RIPK1: variants seen among roughly 807,000 people sequenced by gnomAD.
RIPK1 encodes receptor-interacting serine/threonine-protein kinase 1.
RIPK1 carries 27 observed loss-of-function variants against 62.4 expected under a neutral mutation model. That is an observed-to-expected ratio of 0.43 (90% confidence interval 0.32 to 0.60). The LOEUF (loss-of-function observed/expected upper bound fraction) is 0.60, where lower values mean the gene tolerates loss of function less well. Among genes scored for constraint, RIPK1 ranks in the 20% least tolerant of loss-of-function variants. The pLI, the probability that RIPK1 is intolerant of heterozygous loss-of-function variation, is 0.07. For missense variants in RIPK1, 735 were observed against 831.0 expected, an observed-to-expected ratio of 0.88 and a Z score of 1.42; for synonymous variants, 287 against 303.2, an observed-to-expected ratio of 0.95 and a Z score of 0.55.
intron 1 of RIPK1, among the ~76,000 whole-genome samples, chr6:3,074,058 T>G (rs918202345): frequency 6.6e-6 from 1 of 152,244 alleles, no homozygotes; most frequent in African/African-American, 2.4e-5. Context: ...CAGGTTTGTC[T>G]TTTGATGTAA....
upstream of RIPK1, chr6:3,068,138 G>A (rs1758466838): frequency 1.1e-6 from 1 of 878,630 alleles, no homozygotes; most frequent in Non-Finnish European, 1.4e-6. Flanking sequence ...CATTTTAAAG[G>A]GCTGCAAAAT....
chr6:3,074,707 A>G (rs1581381924), intron 1 of RIPK1, among the ~76,000 whole-genome samples: 1 of 119,040 alleles, frequency 8.4e-6, no homozygotes. Context: ...ACAGAGTCTC[A>G]CTTTGTTGCC....
At chr6:3,067,162 C>A (rs1425162748), upstream of RIPK1, among the ~76,000 whole-genome samples, 2 of 139,616 alleles carry the variant, frequency 1.4e-5, no homozygotes, top group Non-Finnish European at 3.0e-5. Context: ...TAAGTGATAT[C>A]TTGGATGCCC....
chr6:3,075,314 G>A (rs532081431), intron 1 of RIPK1, among the ~76,000 whole-genome samples: 3 of 152,198 alleles, frequency 2.0e-5, no homozygotes, highest in African/African-American at 7.2e-5. Flanking sequence ...ATTTCAGTTT[G>A]GGGAAAATGA....
chr6:3,069,331 G>A (rs151119089), intron 1 of RIPK1, among the ~76,000 whole-genome samples: 3,446 of 152,276 alleles, frequency 0.023, 48 homozygotes, highest in South Asian at 0.063. Context: ...GACGAATGTG[G>A]TAACCCTAGC....
chr6:3,068,338 C>T (rs952073426), upstream of RIPK1: 371 of 985,454 alleles, frequency 3.8e-4, no homozygotes, highest in Middle Eastern at 5.2e-4. Context: ...ACGTAGGCCG[C>T]CCCACTCGCT....
At chr6:3,073,699 C>T (rs1045087000) in intron 1 of RIPK1, among the ~76,000 whole-genome samples, 5 of 152,160 alleles carry the variant, frequency 3.3e-5, no homozygotes, top group Admixed American at 6.5e-5. Context: ...CTGGCCCCAG[C>T]CTTTAGATGA....
rs767354945 is a variant in RIPK1, at chr6:3,110,758, G to T, written c.1577-45G>T. The T allele has an allele frequency of 1.3e-5, 17 of 1,324,556 alleles. No individual in the cohort carries two copies. The South Asian group carries it at 1.7e-4, about 14-fold the overall frequency. The allele number at this position is 1,324,556 out of a possible 1,614,324, so 82.1% of individuals were successfully genotyped here. ...TTGCCATGCTGTATTTTTTTCTCTTGCTTTTGATCTAGAATTACTTACCTG... is the reference window on the plus strand; with the variant it reads ...TTGCCATGCTGTATTTTTTTCTCTTTCTTTTGATCTAGAATTACTTACCTG... On this transcript the variant is annotated intron_variant, in intron 9 of 10. Transcript: ENST00000259808.
At position 3,105,968 on chromosome 6, in the gene RIPK1, C is replaced by T; in HGVS notation, c.1493C>T (p.Pro498Leu). 6.2e-7 allele frequency: 1 copy of T among 1,614,048 alleles called. No homozygotes were observed. The highest frequency in any genetic ancestry group is 8.5e-7 in the Non-Finnish European group (1 of 1,179,904). ...TACAGGCCAATTCCAAGTCATATGCCTAGTCTGCATAATATCCCAGTGCCT... is the reference window on the plus strand; with the variant it reads ...TACAGGCCAATTCCAAGTCATATGCTTAGTCTGCATAATATCCCAGTGCCT... Reference protein sequence around the residue: ...VWYRPIPSHMPSLHNIPVPET... With the variant: ...VWYRPIPSHMLSLHNIPVPET... The change falls in exon 9 of 11, where the codon CCT becomes CTT. Residue 498 changes from proline to leucine, a missense_variant. By Grantham distance (98) the Pro-to-Leu change is moderately conservative. This residue lies in a region of RIPK1 where 671 missense variants were observed against 726.2 expected (regional missense o/e 0.92). Transcript: ENST00000259808. This position sits in a 1 kb window ranked among gnomAD's most constrained non-coding sequence, Gnocchi z 4.5.
At position 3,104,227 on chromosome 6, in the gene RIPK1, A is replaced by G; in HGVS notation, c.918A>G (p.Lys306=). 1.3e-6 allele frequency: 2 copies of G among 1,499,882 alleles called. No homozygotes were observed. The highest frequency in any genetic ancestry group is 9.3e-7 in the Non-Finnish European group (1 of 1,079,604). 92.9% of individuals were successfully genotyped at this position (1,499,882 alleles called of 1,614,324 possible). Residue 306 remains lysine (K), a splice_region_variant and synonymous_variant, in exon 8 of 11, where the codon AAA becomes AAG. Transcript: ENST00000259808. ...TGTATTTATGCTCTTAATTATAGAA[A>G]GAGTATTCAAACGAAAATGCAGTTG... ...SVEEDVKSLK[K]EYSNENAVVK...
intron 7 of RIPK1, among the ~76,000 whole-genome samples, chr6:3,094,016 C>T (rs76614374): frequency 1.9e-4 from 18 of 92,940 alleles, no homozygotes; most frequent in Middle Eastern, 6.0e-3. Flanking sequence ...GTAACTGCAG[C>T]GCGCCTACCT....
chr6:3,080,889 G>A, intron 3 of RIPK1, 90 bp from the exon 4 acceptor site: 1 of 1,314,652 alleles, frequency 7.6e-7, no homozygotes, highest in Non-Finnish European at 1.1e-6. Context: ...CTTCTCCTCA[G>A]GCTCAGATCC....
At chr6:3,067,215 T>C (rs1223387675), upstream of RIPK1, among the ~76,000 whole-genome samples, 1 of 152,104 alleles carries the variant, frequency 6.6e-6, no homozygotes, top group African/African-American at 2.4e-5. Flanking sequence ...TAGACATTCT[T>C]GTACAGGTGT....
intron 7 of RIPK1, among the ~76,000 whole-genome samples, chr6:3,099,612 G>A (rs1760495836): frequency 6.6e-6 from 1 of 152,152 alleles, no homozygotes; most frequent in African/African-American, 2.4e-5. Context: ...ATTCAAAAAA[G>A]AAACTGAACA....
At chr6:3,071,637 A>G (rs1021804320) in intron 1 of RIPK1, among the ~76,000 whole-genome samples, 7 of 152,154 alleles carry the variant, frequency 4.6e-5, no homozygotes, top group African/African-American at 1.7e-4. Flanking sequence ...TTTCATGTGG[A>G]AAAAAGAGGG....
intron 4 of RIPK1, 123 bp from the exon 5 acceptor site, chr6:3,082,962 T>G: frequency 2.3e-6 from 2 of 868,446 alleles, no homozygotes; most frequent in Non-Finnish European, 3.8e-6. Context: ...ACCTGCCCAG[T>G]GCAACCATTT....
At chr6:3,081,860 TAAAAAAAAAAAAAAAAAAAA>T (rs58330257) in intron 4 of RIPK1, among the ~76,000 whole-genome samples, 801 of 22,864 alleles carry the variant, frequency 0.035, 16 homozygotes, top group African/African-American at 0.068. Flanking sequence ...AACTCTGCCT[TAAAAAAAAAAAAAAAAAAAA>T]AAAAAAAAAA....
At chr6:3,081,176 G>A (rs1355010690) in intron 4 of RIPK1, 60 bp downstream of exon 4, 6 of 1,577,006 alleles carry the variant, frequency 3.8e-6, no homozygotes, top group Non-Finnish European at 5.2e-6. Context: ...ATTCTCCAAT[G>A]TAAATCCATT....
intron 7 of RIPK1, among the ~76,000 whole-genome samples, chr6:3,101,689 G>A (rs1175306828): frequency 1.3e-5 from 2 of 151,990 alleles, no homozygotes; most frequent in East Asian, 3.8e-4. Flanking sequence ...TGGGTGTAGG[G>A]CAAAACTATG....
Sources: gnomAD v4.1 joint callset for allele counts (sites outside exome capture counted in the v4.1 genomes callset) on GRCh38, gnomAD v4.1.1 for gene constraint, gnomAD v4.1.1 regional missense constraint, Gnocchi (gnomAD v3.1) non-coding constraint, MANE v1.5 for transcripts, NCBI Gene and HGNC (gene_info 2026-07-23, HGNC 2026-07-21) for gene names.